Variants in MYH14 observed in about 807,000 individuals in gnomAD.
The protein encoded by MYH14 is myosin heavy chain 14.
In MYH14, 123 loss-of-function variants were observed where a neutral mutation model predicts 255.5. That is an observed-to-expected ratio of 0.48 (90% CI 0.42 to 0.56). MYH14 has a LOEUF of 0.56. Ranked by LOEUF, MYH14 falls within the 20% of genes least tolerant of loss-of-function variation. The pLI is 0.00. For missense variants in MYH14, 2,423 were observed against 2,802.3 expected (o/e 0.86, Z 3.06); for synonymous variants, 1,095 against 1,161.2 (o/e 0.94, Z 1.16).
chr19:50,276,918 G>T lies in MYH14; in HGVS notation c.3825+17G>T. ...GCCCGGAGGGTGGGTTGGGGCAGGG[G>T]GACAGGGCAGGGGGGCCACGGGGAG... On this transcript the variant is annotated intron_variant, in intron 29 of 42. Coordinates refer to ENST00000642316, the MANE Select transcript of MYH14 (RefSeq NM_001145809.2). This position sits in a 1 kb window ranked among gnomAD's most constrained non-coding sequence, Gnocchi z 4.3. 1 of 1,574,854 alleles carries T rather than the reference G, an allele frequency of 6.3e-7. No homozygotes were observed. Among genetic ancestry groups the T allele is most frequent in the Non-Finnish European group, 8.7e-7 (1 of 1,155,572 alleles).
intron 10 of MYH14, among the ~76,000 whole-genome samples, chr19:50,234,860 A>G (rs2033585044): frequency 6.6e-6 from 1 of 152,332 alleles, no homozygotes; most frequent in African/African-American, 2.4e-5. Context: ...GAATGTGGCT[A>G]AAGGTTGTAC....
intron 1 of MYH14, among the ~76,000 whole-genome samples, chr19:50,207,392 C>T (rs550350782): frequency 1.3e-3 from 199 of 151,210 alleles, no homozygotes; most frequent in African/African-American, 4.7e-3. Flanking sequence ...GTGCTTGGAC[C>T]GCGTTGGAAT....
At chr19:50,243,103 A>G (rs1040475997) in intron 10 of MYH14, among the ~76,000 whole-genome samples, 27 of 152,236 alleles carry the variant, frequency 1.8e-4, no homozygotes, top group African/African-American at 6.0e-4. Context: ...AGTCAGTAGT[A>G]TATTAAATAA....
chr19:50,278,687 A>G (rs1271324677), intron 30 of MYH14, among the ~76,000 whole-genome samples: 2 of 151,964 alleles, frequency 1.3e-5, no homozygotes, highest in African/African-American at 4.8e-5. Flanking sequence ...CTGGGCAACA[A>G]AGTGAGATCC....
At chr19:50,208,315 T>C (rs946942774) in intron 1 of MYH14, among the ~76,000 whole-genome samples, 6 of 152,162 alleles carry the variant, frequency 3.9e-5, no homozygotes, top group Non-Finnish European at 7.3e-5. Flanking sequence ...CTTGGGAGGC[T>C]GAGGCAGGAG....
rs1395437076 is a variant in MYH14, at chr19:50,266,520, C to G, written c.2695-357C>G. ...GTTGCAGTGAGCCGAGATCCCACCA[C>G]TGCACTCCAGCCTGGGCGAGAGAGC... is the stretch of plus-strand genomic sequence containing the variant. On this transcript the variant is annotated intron_variant, in intron 22 of 42. Transcript: ENST00000642316. The surrounding 1 kb of genome is among the most constrained non-coding windows in gnomAD (Gnocchi z 4.1). Among the ~76,000 whole-genome samples, 4 of 152,094 alleles carry G rather than the reference C, an allele frequency of 2.6e-5. No homozygotes were observed. The highest frequency in any genetic ancestry group is 5.9e-5 in the Non-Finnish European group (4 of 68,024).
chr19:50,232,097 G>A (rs1475255615), intron 10 of MYH14, 27 bp downstream of exon 10: 2 of 1,607,446 alleles, frequency 1.2e-6, no homozygotes, highest in Admixed American at 1.7e-5. Context: ...GAGGCCAGGG[G>A]TAGGGGGGAA....
intron 10 of MYH14, among the ~76,000 whole-genome samples, chr19:50,243,293 G>A (rs375898867): frequency 3.3e-5 from 5 of 152,042 alleles, no homozygotes; most frequent in Admixed American, 6.6e-5. Flanking sequence ...AAAATTAGCC[G>A]GGTGTGGTGG....
intron 33 of MYH14, 61 bp downstream of exon 33, chr19:50,281,903 C>G (rs1447889937): frequency 6.5e-7 from 1 of 1,549,736 alleles, no homozygotes; most frequent in African/African-American, 1.4e-5. Flanking sequence ...TTCCCATGGT[C>G]GTTGTGAGGA....
intron 1 of MYH14, among the ~76,000 whole-genome samples, chr19:50,207,539 G>A (rs1253679307): frequency 1.3e-5 from 2 of 151,982 alleles, no homozygotes; most frequent in African/African-American, 4.8e-5. Flanking sequence ...AGGGCTCCCA[G>A]CCTACTCTTC....
intron 21 of MYH14, among the ~76,000 whole-genome samples, chr19:50,263,017 T>C (rs542257827): frequency 1.3e-5 from 2 of 152,058 alleles, no homozygotes; most frequent in Admixed American, 6.6e-5. Context: ...CCGGCCAACA[T>C]GGCAAAACCC....
At chr19:50,225,760 A>C in intron 7 of MYH14, 83 bp downstream of exon 7, 1 of 975,524 alleles carries the variant, frequency 1.0e-6, no homozygotes, top group Non-Finnish European at 1.6e-6. Context: ...GGGGAAAGAC[A>C]CGTGGATCTG....
rs572901914 is a variant in MYH14 at position 50,262,795 on chromosome 19, G to A, written c.2586-517G>A. 2.0e-5 allele frequency among the ~76,000 whole-genome samples: 3 copies of A among 152,186 alleles called. No homozygotes were observed. The South Asian group carries it at 6.2e-4, about 32-fold the overall frequency. On this transcript the variant is annotated intron_variant, in intron 21 of 42. Coordinates refer to ENST00000642316, the MANE Select transcript of MYH14 (RefSeq NM_001145809.2). Reference sequence around the variant, plus strand: ...GAACTGCGGCTGGGGCTTTGGGACTGGGCAGAGAGAGTCGGGAGCAGGGGG... The same window carrying A: ...GAACTGCGGCTGGGGCTTTGGGACTAGGCAGAGAGAGTCGGGAGCAGGGGG...
At chr19:50,265,307 T>C (rs2035042231) in intron 22 of MYH14, among the ~76,000 whole-genome samples, 2 of 147,680 alleles carry the variant, frequency 1.4e-5, no homozygotes, top group Admixed American at 6.7e-5. Context: ...AGCCCAAGAG[T>C]TCAAGACCAG....
chr19:50,207,480 C>T (rs73582353), intron 1 of MYH14, among the ~76,000 whole-genome samples: 5,823 of 152,070 alleles, frequency 0.038, 396 homozygotes, highest in African/African-American at 0.13. Context: ...TGGTTGCCTC[C>T]GAGATAGCTG....
In MYH14 at chr19:50,268,268, G is replaced by A; in HGVS notation, c.2934G>A (p.Leu978=). The A allele has an allele frequency of 6.3e-7, 1 of 1,578,908 alleles. No homozygotes were observed. Among genetic ancestry groups the A allele is most frequent in the Non-Finnish European group, 8.6e-7 (1 of 1,163,124 alleles). ...RGRLAARKQE[L]ELVVSELEAR... ...GGCTGGCAGCCCGCAAGCAGGAGCT[G>A]GAGCTGGTGGTGTCAGAGCTGGAGG... Residue 978 remains leucine, a synonymous_variant, in exon 24 of 43, where the codon CTG becomes CTA. Coordinates refer to ENST00000642316, the MANE Select transcript of MYH14 (RefSeq NM_001145809.2).
rs1012640658 is a variant in MYH14, at chr19:50,258,733, A to C, written c.2233-411A>C. ...CAAGACTCTGTCTCAAAAAAAAAAA[A>C]AAAAAAAAAAACGAACAAACAAACA... is the stretch of plus-strand genomic sequence containing the variant. On this transcript the variant is annotated intron_variant, in intron 18 of 42. Transcript: ENST00000642316. 165 of 46,552 alleles carry C rather than the reference A, an allele frequency of 3.5e-3. 1 individual carries two copies. Among genetic ancestry groups the C allele is most frequent in the Non-Finnish European group, 7.2e-3 (138 of 19,090 alleles). The allele number at this position is 46,552 out of a possible 1,614,324, so 2.9% of individuals were successfully genotyped here. A position where few individuals can be genotyped will look rare whatever the true frequency, so the allele number is the denominator to read the frequency against.
At position 50,272,665 on chromosome 19, in the gene MYH14, A is replaced by AGCGGGCAGAGGAGCT; in HGVS notation, c.3408_3422dup (p.Glu1137_Ala1141dup). 1 of 1,558,140 alleles carries AGCGGGCAGAGGAGCT rather than the reference A, an allele frequency of 6.4e-7. No homozygotes were observed. Among genetic ancestry groups the AGCGGGCAGAGGAGCT allele is most frequent in the Non-Finnish European group, 8.7e-7 (1 of 1,151,640 alleles). ...CAGGAGCAGATGGTGGAGCAGCAAC[A>AGCGGGCAGAGGAGCT]GCGGGCAGAGGAGCTGCGGGCCCAG... On this transcript the variant is annotated inframe_insertion, in exon 27 of 43. Transcript: ENST00000642316.
At chr19:50,304,087 T>C (rs1324378519) in intron 40 of MYH14, among the ~76,000 whole-genome samples, 1 of 152,250 alleles carries the variant, frequency 6.6e-6, no homozygotes, top group Non-Finnish European at 1.5e-5. Flanking sequence ...ACCTGTATGA[T>C]ACCACATAAT....
Sources: gnomAD v4.1 joint callset for allele counts (sites outside exome capture counted in the v4.1 genomes callset) on GRCh38, gnomAD v4.1.1 for gene constraint, Gnocchi (gnomAD v3.1) non-coding constraint, MANE v1.5 for transcripts, NCBI Gene and HGNC (gene_info 2026-07-23, HGNC 2026-07-21) for gene names.